TM6SF1: variants seen among roughly 807,000 people sequenced by gnomAD.
TM6SF1 encodes transmembrane 6 superfamily member 1.
In TM6SF1, 43 loss-of-function variants were observed where a neutral mutation model predicts 47.1. The ratio of observed to expected loss-of-function variants is 0.91; its 90% CI spans 0.72 to 1.18. The LOEUF is 1.18. Ranked by LOEUF, TM6SF1 falls within the 50% of genes most tolerant of loss-of-function variation. The probability of loss-of-function intolerance (pLI) is 0.00; values close to 1 mark genes in which losing one functional copy is unlikely to be tolerated. For synonymous variants in TM6SF1, 177 were observed against 166.3 expected (o/e 1.06, Z -0.49); for missense variants, 390 against 449.0 (o/e 0.87, Z 1.19).
intron 9 of TM6SF1, chr15:83,134,805 T>C (rs2036501695): frequency 6.6e-6 from 1 of 152,206 alleles, no homozygotes; most frequent in African/African-American, 2.4e-5. Context: ...AGAAAATGCT[T>C]GGTTATATAT....
Position 83,122,450 on chromosome 15 carries a change from T to C in TM6SF1, c.482-307T>C, listed in dbSNP as rs186755081. On this transcript the variant is annotated intron_variant, in intron 5 of 9. Coordinates refer to ENST00000322019, the MANE Select transcript of TM6SF1 (RefSeq NM_023003.5). The stretch of plus-strand genomic sequence containing the variant: ...AGGGAGATAGATATATACAAACATA[T>C]ATAGATACCTATCTAGATGTATTTT... 2.0e-3 allele frequency among the ~76,000 whole-genome samples: 304 copies of C among 152,296 alleles called. 1 individual carries two copies. The highest frequency in any genetic ancestry group is 7.0e-3 in the African/African-American group (291 of 41,556).
At chr15:83,113,232 A>C (rs1295830521) in intron 2 of TM6SF1, 8 of 397,794 alleles carry the variant, frequency 2.0e-5, no homozygotes, top group Non-Finnish European at 3.8e-5. Flanking sequence ...GCCTGCTACT[A>C]GCAGTCCCCC....
chr15:83,115,870 C>T lies in TM6SF1; in HGVS notation c.222C>T (p.Ser74=), dbSNP rs552226250. 17 of 1,614,048 alleles carry T rather than the reference C, an allele frequency of 1.1e-5. No homozygotes were observed. The highest frequency in any genetic ancestry group is 4.0e-5 in the African/African-American group (3 of 75,030). Residue 74 remains serine (S), a synonymous_variant, in exon 3 of 10, where the codon AGC becomes AGT. Transcript: ENST00000322019. ...TGTATGCAGTTTTTGGATTTACCAG[C>T]GTGGTGAACCTCATCATAGGACTGG... ...FYVYAVFGFT[S]VVNLIIGLEQ... is the part of the protein sequence containing the mutation.
chr15:83,109,821 G>C (rs1308873952), intron 1 of TM6SF1, among the ~76,000 whole-genome samples: 2 of 152,100 alleles, frequency 1.3e-5, no homozygotes, highest in Non-Finnish European at 2.9e-5. Flanking sequence ...CTCTAGCCCG[G>C]ACTCCTGCTG....
intron 8 of TM6SF1, 123 bp from the exon 9 acceptor site, chr15:83,127,235 A>C (rs1211124638): frequency 2.4e-6 from 2 of 816,632 alleles, no homozygotes; most frequent in Non-Finnish European, 3.5e-6. Flanking sequence ...AAAAAAAAAG[A>C]GTCCCATATA....
intron 6 of TM6SF1, 138 bp downstream of exon 6, chr15:83,123,016 T>G: frequency 1.1e-6 from 1 of 919,658 alleles, no homozygotes; most frequent in Non-Finnish European, 1.6e-6. Context: ...TTTGATTATG[T>G]AGCATTAGCT....
chr15:83,112,727 T>C (rs1012563857), intron 1 of TM6SF1, 70 bp from the exon 2 acceptor site: 5 of 1,104,816 alleles, frequency 4.5e-6, no homozygotes, highest in Non-Finnish European at 7.0e-6. Context: ...ATGCATTCAA[T>C]AGTCAGGAAA....
At chr15:83,113,343 C>T (rs962550835) in intron 2 of TM6SF1, 1 of 176,336 alleles carries the variant, frequency 5.7e-6, no homozygotes, top group African/African-American at 2.4e-5. Flanking sequence ...CTATAGTGCA[C>T]CTTGTATGAC....
chr15:83,131,832 A>G (rs1161084127), intron 9 of TM6SF1: 1 of 152,186 alleles, frequency 6.6e-6, no homozygotes, highest in East Asian at 1.9e-4. Flanking sequence ...TTTTCATATA[A>G]AATGCTAACC....
Position 83,112,855 on chromosome 15 carries a change from C to G in TM6SF1, c.151C>G (p.Arg51Gly). The G allele has an allele frequency of 1.9e-6, 3 of 1,614,128 alleles. No individual in the cohort carries two copies. The East Asian group carries it at 6.7e-5, about 36-fold the overall frequency. Residue 51 changes from arginine to glycine, a missense_variant, in exon 2 of 10, where the codon CGT becomes GGT. By Grantham distance (125) the Arg-to-Gly change is moderately radical (BLOSUM62 -2). Coordinates refer to ENST00000322019, the MANE Select transcript of TM6SF1 (RefSeq NM_023003.5). ...CCTGTTCCTGGTAGCACTGCTGGCT[C>G]GTGTCCTCGTCAAAAGAAAACCACC... The part of the protein sequence containing the change: ...LILFLVALLA[R>G]VLVKRKPPRD...
In TM6SF1 at chr15:83,111,593, C is replaced by T. The variant is rs973719453; in HGVS notation, c.93-1204C>T. On this transcript the variant is annotated intron_variant, in intron 1 of 9. Transcript: ENST00000322019. ...TCTCCTAGGGGACGGTGATAGTTAT[C>T]CAAAGGTCCCGATGTTGGGCTGTGG... 15 of 984,932 alleles carry T rather than the reference C, an allele frequency of 1.5e-5. No individual in the cohort carries two copies. The African/African-American group carries it at 1.7e-4, about 11-fold the overall frequency. 61.0% of individuals were successfully genotyped at this position (984,932 alleles called of 1,614,324 possible). A position where few individuals can be genotyped will look rare whatever the true frequency, so the allele number is the denominator to read the frequency against.
In TM6SF1 at chr15:83,136,860, G is replaced by GA. The variant is rs2036646801; in HGVS notation, c.*191dup. Reference sequence around the variant, plus strand: ...TTTGAAGGAAAATGGAAATTCTTGAGAAACAGTTTGTTTAAAGAAATATAT... The same window carrying GA: ...TTTGAAGGAAAATGGAAATTCTTGAGAAAACAGTTTGTTTAAAGAAATATAT... On this transcript the variant is annotated 3_prime_UTR_variant, in exon 10 of 10. Coordinates refer to ENST00000322019, the MANE Select transcript of TM6SF1 (RefSeq NM_023003.5). The GA allele has an allele frequency of 2.4e-6, 1 of 408,610 alleles. No individual in the cohort carries two copies. Among genetic ancestry groups the GA allele is most frequent in the East Asian group, 3.7e-5 (1 of 27,224 alleles). 25.3% of individuals were successfully genotyped at this position (408,610 alleles called of 1,614,324 possible).
intron 2 of TM6SF1, 95 bp from the exon 3 acceptor site, chr15:83,115,750 C>T: frequency 1.2e-6 from 1 of 856,968 alleles, no homozygotes; most frequent in South Asian, 1.4e-5. Context: ...TTCTGGAAAA[C>T]ATGAAAAACA....
intron 4 of TM6SF1, among the ~76,000 whole-genome samples, chr15:83,121,496 A>T (rs2035239925): frequency 6.6e-6 from 1 of 152,130 alleles, no homozygotes; most frequent in Non-Finnish European, 1.5e-5. Flanking sequence ...AAATTCTGTG[A>T]CCCCAGAAAA....
In TM6SF1 at chr15:83,112,864, G is replaced by T. The variant is rs145491081; in HGVS notation, c.160G>T (p.Val54Phe). 6.2e-7 allele frequency: 1 copy of T among 1,614,072 alleles called. No homozygotes were observed. The highest frequency in any genetic ancestry group is 2.2e-5 in the East Asian group (1 of 44,876). Reference sequence around the variant, plus strand: ...GGTAGCACTGCTGGCTCGTGTCCTCGTCAAAAGAAAACCACCCCGGGACCC... The same window carrying T: ...GGTAGCACTGCTGGCTCGTGTCCTCTTCAAAAGAAAACCACCCCGGGACCC... Reference protein sequence around the residue: ...FLVALLARVLVKRKPPRDPLF... With the variant: ...FLVALLARVLFKRKPPRDPLF... The change falls in exon 2 of 10, where the codon GTC (valine) becomes TTC (phenylalanine). Residue 54 changes from valine to phenylalanine, a missense_variant. Val to Phe is a conservative substitution (Grantham distance 50, BLOSUM62 -1). Coordinates refer to ENST00000322019, the MANE Select transcript of TM6SF1 (RefSeq NM_023003.5).
At position 83,107,701 on chromosome 15, in the gene TM6SF1, C is replaced by T. The variant is rs2033784888; in HGVS notation, c.21C>T (p.Thr7=). ...CTGCGATGAGTGCCTCTGCGGCCAC[C>T]GGGGTCTTCGTGCTGTCCCTCTCGG... MSASAA[T]GVFVLSLSAI... is the part of the protein sequence containing the mutation. Residue 7 remains threonine (T), a synonymous_variant, in exon 1 of 10, where the codon ACC becomes ACT. Coordinates refer to ENST00000322019, the MANE Select transcript of TM6SF1 (RefSeq NM_023003.5). The surrounding 1 kb of genome is among the most constrained non-coding windows in gnomAD (Gnocchi z 5.6). 1.9e-6 allele frequency: 3 copies of T among 1,564,738 alleles called. No homozygotes were observed. Among genetic ancestry groups the T allele is most frequent in the Non-Finnish European group, 2.6e-6 (3 of 1,157,876 alleles).
chr15:83,110,048 C>G (rs758085816), intron 1 of TM6SF1, among the ~76,000 whole-genome samples: 1 of 152,200 alleles, frequency 6.6e-6, no homozygotes, highest in Non-Finnish European at 1.5e-5. Flanking sequence ...CCCAGGCCAG[C>G]GCCGTGTGCA....
Position 83,107,908 on chromosome 15 carries a change from C to G in TM6SF1, c.92+136C>G. ...AGAGGTTCGTGGCCGCAGGGGCTCC[C>G]CGCGCCTGGCCAGACTAGGGGGGCG... On this transcript the variant is annotated intron_variant, in intron 1 of 9. Transcript: ENST00000322019. This position sits in a 1 kb window ranked among gnomAD's most constrained non-coding sequence, Gnocchi z 5.6. 7.7e-7 allele frequency: 1 copy of G among 1,306,778 alleles called. No homozygotes were observed. The highest frequency in any genetic ancestry group is 9.7e-7 in the Non-Finnish European group (1 of 1,027,690). The allele number at this position is 1,306,778 out of a possible 1,614,324, so 80.9% of individuals were successfully genotyped here. A position where few individuals can be genotyped will look rare whatever the true frequency, so the allele number is the denominator to read the frequency against.
In TM6SF1 at chr15:83,107,649, T is replaced by A; in HGVS notation, c.-32T>A. On this transcript the variant is annotated 5_prime_UTR_variant, in exon 1 of 10. The change abolishes an upstream ATG in the 5' untranslated region. Transcript: ENST00000322019. This position sits in a 1 kb window ranked among gnomAD's most constrained non-coding sequence, Gnocchi z 5.6. ...AGCTGGGGCGGGGCGCCCAGCGGGATGCGGTGAAGGGCGAGCGGCGCGGCG... is the reference window on the plus strand; with the variant it reads ...AGCTGGGGCGGGGCGCCCAGCGGGAAGCGGTGAAGGGCGAGCGGCGCGGCG... 6.7e-7 allele frequency: 1 copy of A among 1,484,554 alleles called. No homozygotes were observed. Among genetic ancestry groups the A allele is most frequent in the Non-Finnish European group, 9.0e-7 (1 of 1,114,784 alleles). The allele number at this position is 1,484,554 out of a possible 1,614,324, so 92.0% of individuals were successfully genotyped here.
Sources: gnomAD v4.1 joint callset for allele counts (sites outside exome capture counted in the v4.1 genomes callset) on GRCh38, gnomAD v4.1.1 for gene constraint, Gnocchi (gnomAD v3.1) non-coding constraint, MANE v1.5 for transcripts, NCBI Gene and HGNC (gene_info 2026-07-23, HGNC 2026-07-21) for gene names.